The following MICOS10 variants were observed in gnomAD, a reference collection of about 807,000 sequenced individuals.
MICOS10 encodes MICOS complex subunit MIC10.
A neutral mutation model predicts 13.4 loss-of-function variants in MICOS10; 5 were observed. That is an observed-to-expected ratio of 0.37 (90% CI 0.20 to 0.78). The LOEUF (loss-of-function observed/expected upper bound fraction) is 0.78, where lower values mean the gene tolerates loss of function less well. Among genes scored for constraint, MICOS10 ranks in the 30% least tolerant of loss-of-function variants. MICOS10 has a pLI of 0.47. For synonymous variants in MICOS10, 35 were observed against 33.6 expected (o/e 1.04, Z -0.15); for missense variants, 101 against 94.6 (o/e 1.07, Z -0.28).
chr1:19,614,435 CCTCT>C (rs1301888794), intron 1 of MICOS10: 5 of 151,822 alleles, frequency 3.3e-5, no homozygotes, highest in Middle Eastern at 3.2e-3. Flanking sequence ...CATTCACTCT[CCTCT>C]CTCTCTTAGA....
chr1:19,629,582 T>A lies in MICOS10; in HGVS notation c.*3181T>A, dbSNP rs978777037. 3.9e-5 allele frequency: 6 copies of A among 152,234 alleles called. No individual in the cohort carries two copies. The highest frequency in any genetic ancestry group is 8.8e-5 in the Non-Finnish European group (6 of 68,046). The allele number at this position is 152,234 out of a possible 1,614,324, so 9.4% of individuals were successfully genotyped here. A position where few individuals can be genotyped will look rare whatever the true frequency, so the allele number is the denominator to read the frequency against. ...GTCTCCTTTAGTGAGTGTCATCCTC[T>A]CATCCATTTCAAAAGATTGCAGATG... On this transcript the variant is annotated 3_prime_UTR_variant, in exon 4 of 4. Coordinates refer to ENST00000322753, the MANE Select transcript of MICOS10 (RefSeq NM_001032363.4).
intron 1 of MICOS10, among the ~76,000 whole-genome samples, chr1:19,618,655 GT>G (rs2094893252): frequency 6.6e-6 from 1 of 152,220 alleles, no homozygotes; most frequent in Non-Finnish European, 1.5e-5. Context: ...TGGAGCAGCG[GT>G]TTGGGCCCGG....
At chr1:19,623,213 G>A (rs1188286450) in intron 2 of MICOS10, among the ~76,000 whole-genome samples, 4 of 152,080 alleles carry the variant, frequency 2.6e-5, no homozygotes, top group African/African-American at 9.7e-5. Flanking sequence ...GAGCCACCGC[G>A]CCTGGCCTTT....
At position 19,629,614 on chromosome 1, in the gene MICOS10, T is replaced by TG. The variant is rs2094932227; in HGVS notation, c.*3214dup. On this transcript the variant is annotated 3_prime_UTR_variant, in exon 4 of 4. Coordinates refer to ENST00000322753, the MANE Select transcript of MICOS10 (RefSeq NM_001032363.4). ...TTTCAAAAGATTGCAGATGCCGTCT[T>TG]GAAGTCCTGCTTGTAAGAAATGCAG... The TG allele has an allele frequency of 6.6e-6, 1 of 152,216 alleles. No individual in the cohort carries two copies. Among genetic ancestry groups the TG allele is most frequent in the South Asian group, 2.1e-4 (1 of 4,832 alleles). The allele number at this position is 152,216 out of a possible 1,614,324, so 9.4% of individuals were successfully genotyped here.
At chr1:19,616,249 A>G (rs1622903) in intron 1 of MICOS10, among the ~76,000 whole-genome samples, 16,634 of 152,114 alleles carry the variant, frequency 0.11, 3,083 homozygotes, top group African/African-American at 0.38. Flanking sequence ...GAATCATAGG[A>G]ATAGGCAGCA....
At position 19,596,996 on chromosome 1, in the gene MICOS10, CGGAG is replaced by C; in HGVS notation, c.-49_-46del. On this transcript the variant is annotated 5_prime_UTR_variant, in exon 1 of 4. Coordinates refer to ENST00000322753, the MANE Select transcript of MICOS10 (RefSeq NM_001032363.4). ...CAGCTCTCGCGAGACTTTCAGGGGT[CGGAG>C]CGCGGGGGCCGGCCGAGAGGAAAGC... 1 of 1,547,378 alleles carries C rather than the reference CGGAG, an allele frequency of 6.5e-7. No individual in the cohort carries two copies. Among genetic ancestry groups the C allele is most frequent in the Non-Finnish European group, 8.7e-7 (1 of 1,149,206 alleles).
At chr1:19,624,248 A>G (rs977759326) in intron 3 of MICOS10, among the ~76,000 whole-genome samples, 1 of 151,816 alleles carries the variant, frequency 6.6e-6, no homozygotes, top group Non-Finnish European at 1.5e-5. Context: ...CTCACATTCT[A>G]CTGAAGTCCT....
chr1:19,598,936 G>A (rs1427232290), intron 1 of MICOS10, among the ~76,000 whole-genome samples: 1 of 151,400 alleles, frequency 6.6e-6, no homozygotes, highest in Non-Finnish European at 1.5e-5. Context: ...TTTTATACAG[G>A]CAGGGTCTCC....
At position 19,629,531 on chromosome 1, in the gene MICOS10, A is replaced by G. The variant is rs2094932043; in HGVS notation, c.*3130A>G. ...CAGAAGTATGCCTTTGTTCTGAGAA[A>G]TGGCCTCAGAACACACTGTTGAGCT... On this transcript the variant is annotated 3_prime_UTR_variant, in exon 4 of 4. Transcript: ENST00000322753. 1 of 152,216 alleles carries G rather than the reference A, an allele frequency of 6.6e-6. No homozygotes were observed. The highest frequency in any genetic ancestry group is 2.4e-5 in the African/African-American group (1 of 41,452). The allele number at this position is 152,216 out of a possible 1,614,324, so 9.4% of individuals were successfully genotyped here.
At chr1:19,598,850 A>C (rs183581092) in intron 1 of MICOS10, among the ~76,000 whole-genome samples, 69 of 152,264 alleles carry the variant, frequency 4.5e-4, no homozygotes, top group African/African-American at 1.6e-3. Flanking sequence ...TGTATACAGT[A>C]ATGGTAGTCA....
chr1:19,617,284 G>C (rs1437508200), intron 1 of MICOS10: 8 of 985,282 alleles, frequency 8.1e-6, no homozygotes, highest in Non-Finnish European at 8.4e-6. Flanking sequence ...GTCCACCCGA[G>C]AAATCCCTGC....
At chr1:19,597,512 A>G (rs1046234490) in intron 1 of MICOS10, among the ~76,000 whole-genome samples, 3 of 152,198 alleles carry the variant, frequency 2.0e-5, no homozygotes, top group African/African-American at 4.8e-5. Context: ...CCCGGCGGAA[A>G]CCAAAGTGCC....
Position 19,628,746 on chromosome 1 carries a change from C to G in MICOS10, c.*2345C>G, listed in dbSNP as rs1425234075. On this transcript the variant is annotated 3_prime_UTR_variant, in exon 4 of 4. Transcript: ENST00000322753. ...TTTCTGTCATTTTCCCATCCTCATT[C>G]AGGCAGAGAGAAGAATAACATGCCC... The G allele has an allele frequency of 6.7e-6, 1 of 149,728 alleles. No individual in the cohort carries two copies. Among genetic ancestry groups the G allele is most frequent in the Non-Finnish European group, 1.5e-5 (1 of 67,556 alleles). The allele number at this position is 149,728 out of a possible 1,614,324, so 9.3% of individuals were successfully genotyped here. A position where few individuals can be genotyped will look rare whatever the true frequency, so the allele number is the denominator to read the frequency against.
At chr1:19,606,450 G>GA (rs2094835079) in intron 1 of MICOS10, among the ~76,000 whole-genome samples, 1 of 152,136 alleles carries the variant, frequency 6.6e-6, no homozygotes, top group Non-Finnish European at 1.5e-5. Flanking sequence ...TCCTTGTTAC[G>GA]AAAGTATGGC....
chr1:19,607,524 G>T (rs1416710038), intron 1 of MICOS10, among the ~76,000 whole-genome samples: 3 of 152,190 alleles, frequency 2.0e-5, no homozygotes, highest in African/African-American at 7.2e-5. Flanking sequence ...AAATGTTAGG[G>T]CATTGCTAGA....
In MICOS10 at chr1:19,629,080, A is replaced by C. The variant is rs1488299549; in HGVS notation, c.*2679A>C. 1 of 152,236 alleles carries C rather than the reference A, an allele frequency of 6.6e-6. No homozygotes were observed. Among genetic ancestry groups the C allele is most frequent in the Non-Finnish European group, 1.5e-5 (1 of 68,084 alleles). 9.4% of individuals were successfully genotyped at this position (152,236 alleles called of 1,614,324 possible). A position where few individuals can be genotyped will look rare whatever the true frequency, so the allele number is the denominator to read the frequency against. On this transcript the variant is annotated 3_prime_UTR_variant, in exon 4 of 4. Transcript: ENST00000322753. Reference sequence around the variant, plus strand: ...CGGAGGCTGGCCCAAAGCACACTTGATCTTGTCCCCACTCCCTGCCCCCAT... The same window carrying C: ...CGGAGGCTGGCCCAAAGCACACTTGCTCTTGTCCCCACTCCCTGCCCCCAT...
chr1:19,613,602 A>G (rs1372579217), intron 1 of MICOS10, among the ~76,000 whole-genome samples: 2 of 152,160 alleles, frequency 1.3e-5, no homozygotes, highest in Non-Finnish European at 2.9e-5. Flanking sequence ...TGGCTCCAAC[A>G]CTGGAACAGT....
chr1:19,602,881 C>T (rs139017366), intron 1 of MICOS10, among the ~76,000 whole-genome samples: 1 of 152,266 alleles, frequency 6.6e-6, no homozygotes, highest in East Asian at 1.9e-4. Flanking sequence ...AGCCGATGTC[C>T]TCAGCTTGGG....
intron 1 of MICOS10, among the ~76,000 whole-genome samples, chr1:19,599,443 T>C (rs968019843): frequency 1.5e-4 from 23 of 152,074 alleles, no homozygotes; most frequent in Non-Finnish European, 2.8e-4. Flanking sequence ...GCGTAGAACG[T>C]TGATAGGGGT....
Sources: allele counts gnomAD v4.1 joint callset (sites outside exome capture counted in the v4.1 genomes callset), GRCh38; gene constraint gnomAD v4.1.1; transcripts MANE v1.5; gene names NCBI Gene and HGNC (gene_info 2026-07-23, HGNC 2026-07-21).